The following CBLN2 variants were observed in gnomAD, a reference collection of about 807,000 sequenced individuals.
CBLN2 encodes the protein cerebellin-2.
Under a neutral mutation model 15.0 loss-of-function variants are expected in CBLN2, and 7 were observed. That is an observed-to-expected ratio of 0.47 (90% confidence interval 0.27 to 0.88). The LOEUF is 0.88. Ranked by LOEUF, CBLN2 falls within the 40% of genes least tolerant of loss-of-function variation. The pLI is 0.14. For missense variants in CBLN2, 242 were observed against 304.5 expected (o/e 0.79, Z 1.53); for synonymous variants, 149 against 135.2 (o/e 1.10, Z -0.71).
Position 72,538,280 on chromosome 18 carries a change from G to A in CBLN2, c.571C>T (p.Leu191Phe), listed in dbSNP as rs1415335934. The A allele has an allele frequency of 2.5e-6, 4 of 1,614,014 alleles. No homozygotes were observed. Among genetic ancestry groups the A allele is most frequent in the Non-Finnish European group, 1.7e-6 (2 of 1,180,036 alleles). ...TGCACTTTGTCTTCCCTTTCCATGA[G>A]CAGCAGCACGCCATTGCTAGCAGCT... ...REAASNGVLL[L>F]MEREDKVHLK... Residue 191 changes from leucine (L) to phenylalanine (F), a missense_variant, in exon 5 of 5, where the codon CTC becomes TTC. Leu to Phe is a conservative substitution (Grantham distance 22, BLOSUM62 0). Around this residue, in one of 4 missense-constraint regions of CBLN2, gnomAD observed 26 missense variants for 70.3 expected, o/e 0.37. Coordinates refer to ENST00000269503, the MANE Select transcript of CBLN2 (RefSeq NM_182511.4).
At chr18:72,538,816 C>G in intron 3 of CBLN2, 44 bp from the exon 4 acceptor site, 2 of 1,603,482 alleles carry the variant, frequency 1.2e-6, no homozygotes, top group Non-Finnish European at 1.7e-6. Context: ...CAAGCCCCTC[C>G]TCGGTGTATG....
chr18:72,605,044 C>G (rs2069574274), intron 1 of CBLN2, among the ~76,000 whole-genome samples: 1 of 152,174 alleles, frequency 6.6e-6, no homozygotes, highest in African/African-American at 2.4e-5. Flanking sequence ...AAATGTCCCT[C>G]CATTTTGTAT....
At chr18:72,582,818 A>G (rs1448483285) in intron 1 of CBLN2, among the ~76,000 whole-genome samples, 1 of 152,212 alleles carries the variant, frequency 6.6e-6, no homozygotes, top group Non-Finnish European at 1.5e-5. Context: ...CTAGAGTTAG[A>G]CAGCAAACAG....
chr18:72,544,193 G>A lies in CBLN2; in HGVS notation c.-428C>T, dbSNP rs1278907578. ...AGAAGAAGAAGACTGGGATGGCTGGGACGAAGAGAGGGAAAAAAAAAGCTT... is the reference window on the plus strand; with the variant it reads ...AGAAGAAGAAGACTGGGATGGCTGGAACGAAGAGAGGGAAAAAAAAAGCTT... On this transcript the variant is annotated 5_prime_UTR_variant, in exon 1 of 5. Coordinates refer to ENST00000269503, the MANE Select transcript of CBLN2 (RefSeq NM_182511.4). The A allele has an allele frequency of 3.3e-5, 5 of 151,916 alleles. No homozygotes were observed. Among genetic ancestry groups the A allele is most frequent in the African/African-American group, 1.2e-4 (5 of 41,358 alleles). The allele number at this position is 151,916 out of a possible 1,614,324, so 9.4% of individuals were successfully genotyped here. A position where few individuals can be genotyped will look rare whatever the true frequency, so the allele number is the denominator to read the frequency against.
chr18:72,600,942 A>G (rs570530627), intron 1 of CBLN2, among the ~76,000 whole-genome samples: 3 of 152,224 alleles, frequency 2.0e-5, no homozygotes, highest in Non-Finnish European at 4.4e-5. Context: ...CAGTCATCAG[A>G]AATTCAAGTC....
intron 1 of CBLN2, among the ~76,000 whole-genome samples, chr18:72,622,807 C>A (rs987914780): frequency 6.6e-6 from 1 of 152,086 alleles, no homozygotes; most frequent in African/African-American, 2.4e-5. Context: ...ACATGCAGTA[C>A]CCCCCTCCGT....
At chr18:72,584,312 CTT>C (rs1223249936) in intron 1 of CBLN2, among the ~76,000 whole-genome samples, 3 of 145,026 alleles carry the variant, frequency 2.1e-5, no homozygotes, top group Non-Finnish European at 4.6e-5. Context: ...ATTACCAATC[CTT>C]TTTTTTTTTT....
chr18:72,554,086 A>G (rs2069208549), intron 1 of CBLN2, among the ~76,000 whole-genome samples: 1 of 152,150 alleles, frequency 6.6e-6, no homozygotes, highest in Non-Finnish European at 1.5e-5. Flanking sequence ...TCTCTTCTAT[A>G]ATTTATTTTT....
chr18:72,602,806 C>A (rs573682987), intron 1 of CBLN2, among the ~76,000 whole-genome samples: 1 of 152,204 alleles, frequency 6.6e-6, no homozygotes, highest in Non-Finnish European at 1.5e-5. Flanking sequence ...TCCTGACTGA[C>A]AGCCTGCTCT....
Position 72,619,959 on chromosome 18 carries a change from A to G in CBLN2, c.15+18366T>C, listed in dbSNP as rs577930840. 2.0e-5 allele frequency among the ~76,000 whole-genome samples: 3 copies of G among 152,358 alleles called. No homozygotes were observed. In the South Asian group the frequency reaches 6.2e-4, roughly 32 times the overall value. ...AGCACTTTTAGGCATTGGCAGGAAC[A>G]AACTTCATTTACTCAGCTCACCACC... On this transcript the variant is annotated intron_variant, in intron 1 of 2. Transcript: ENST00000581073.
intron 1 of CBLN2, among the ~76,000 whole-genome samples, chr18:72,610,495 T>C (rs1001768322): frequency 3.3e-5 from 5 of 152,334 alleles, no homozygotes; most frequent in African/African-American, 1.2e-4. Flanking sequence ...AATATCTATA[T>C]ATCTATCATT....
In CBLN2 at chr18:72,542,269, G is replaced by T; in HGVS notation, c.-109C>A. ...CTCGCAGCAGCCTCCGGGGGCCTTCGTCCCCGGCTCTGACGTTCAAGGCCA... is the reference window on the plus strand; with the variant it reads ...CTCGCAGCAGCCTCCGGGGGCCTTCTTCCCCGGCTCTGACGTTCAAGGCCA... On this transcript the variant is annotated 5_prime_UTR_variant, in exon 3 of 5. Coordinates refer to ENST00000269503, the MANE Select transcript of CBLN2 (RefSeq NM_182511.4). 1.5e-6 allele frequency: 1 copy of T among 650,452 alleles called. No individual in the cohort carries two copies. The highest frequency in any genetic ancestry group is 2.1e-6 in the Non-Finnish European group (1 of 485,514). The allele number at this position is 650,452 out of a possible 1,614,324, so 40.3% of individuals were successfully genotyped here.
At chr18:72,623,071 C>T (rs1247114724) in intron 1 of CBLN2, among the ~76,000 whole-genome samples, 1 of 152,132 alleles carries the variant, frequency 6.6e-6, no homozygotes, top group Non-Finnish European at 1.5e-5. Flanking sequence ...GCACATCTTA[C>T]ATGACAGGAG....
intron 1 of CBLN2, among the ~76,000 whole-genome samples, chr18:72,565,914 A>G (rs75731735): frequency 0.055 from 8,310 of 152,294 alleles, 237 homozygotes; most frequent in East Asian, 0.095. Flanking sequence ...CAAACTATAC[A>G]TCTTATAAGG....
upstream of CBLN2, among the ~76,000 whole-genome samples, chr18:72,547,575 G>C (rs575919706): frequency 6.6e-6 from 1 of 151,788 alleles, no homozygotes; most frequent in African/African-American, 2.4e-5. Context: ...TAATTGTATA[G>C]CTTTAGTTTT....
chr18:72,606,798 T>A (rs1160693939), intron 1 of CBLN2, among the ~76,000 whole-genome samples: 1 of 152,158 alleles, frequency 6.6e-6, no homozygotes. Flanking sequence ...TCTCACATGG[T>A]CTGGCCAGTA....
At chr18:72,615,571 C>T (rs917610118) in intron 1 of CBLN2, among the ~76,000 whole-genome samples, 25 of 152,006 alleles carry the variant, frequency 1.6e-4, no homozygotes, top group African/African-American at 6.0e-4. Context: ...GCCACCGTGC[C>T]TGGCCCAAGT....
At chr18:72,603,979 C>T (rs941500462) in intron 1 of CBLN2, among the ~76,000 whole-genome samples, 1 of 152,158 alleles carries the variant, frequency 6.6e-6, no homozygotes, top group Non-Finnish European at 1.5e-5. Context: ...GAGGTGGCTA[C>T]ACATGGAATC....
chr18:72,538,583 G>C, intron 4 of CBLN2, 70 bp downstream of exon 4: 10 of 1,594,160 alleles, frequency 6.3e-6, no homozygotes, highest in Non-Finnish European at 7.7e-6. Context: ...CAGAGACCAG[G>C]TGAAGGGGCC....
Sources: allele counts gnomAD v4.1 joint callset (sites outside exome capture counted in the v4.1 genomes callset), GRCh38; gene constraint gnomAD v4.1.1; regional missense constraint gnomAD v4.1.1; transcripts MANE v1.5; gene names NCBI Gene and HGNC (gene_info 2026-07-23, HGNC 2026-07-21).